Variants in SRBD1 observed in about 807,000 individuals in gnomAD.
SRBD1 encodes S1 RNA-binding domain-containing protein 1.
A neutral mutation model predicts 115.3 loss-of-function variants in SRBD1; 88 were observed. The observed-to-expected ratio is 0.76, with a 90% confidence interval of 0.64 to 0.91. The LOEUF is 0.91. SRBD1 is among the 40% of genes least tolerant of loss of function. SRBD1 has a pLI of 0.00. For missense variants in SRBD1, 1,385 were observed against 1,177.4 expected (o/e 1.18, Z -2.58); for synonymous variants, 509 against 407.7 (o/e 1.25, Z -2.99).
chr2:45,584,973 A>G (rs531350888), intron 5 of SRBD1, among the ~76,000 whole-genome samples: 2 of 152,272 alleles, frequency 1.3e-5, no homozygotes, highest in South Asian at 4.1e-4. Flanking sequence ...CAACATGGCA[A>G]AACCCTGTCT....
At chr2:45,443,318 G>C (rs1360291940) in intron 16 of SRBD1, among the ~76,000 whole-genome samples, 1 of 151,990 alleles carries the variant, frequency 6.6e-6, no homozygotes. Context: ...TGAAGCAAAA[G>C]GAAGAATAAA....
intron 9 of SRBD1, among the ~76,000 whole-genome samples, chr2:45,570,474 T>C (rs1672971495): frequency 6.6e-6 from 1 of 152,232 alleles, no homozygotes; most frequent in Non-Finnish European, 1.5e-5. Context: ...GAGTGTGCGA[T>C]ACTGTATTTT....
At chr2:45,498,789 T>G (rs925457692) in intron 14 of SRBD1, among the ~76,000 whole-genome samples, 6 of 152,178 alleles carry the variant, frequency 3.9e-5, no homozygotes, top group African/African-American at 1.4e-4. Flanking sequence ...CATAATGGCC[T>G]CCAGTTCCAT....
At chr2:45,465,024 C>A (rs1488225685) in intron 16 of SRBD1, among the ~76,000 whole-genome samples, 1 of 140,922 alleles carries the variant, frequency 7.1e-6, no homozygotes, top group South Asian at 2.4e-4. Flanking sequence ...CACACACACA[C>A]ACACACACAC....
chr2:45,465,298 G>A (rs1669452133), intron 16 of SRBD1, among the ~76,000 whole-genome samples: 1 of 152,094 alleles, frequency 6.6e-6, no homozygotes, highest in Non-Finnish European at 1.5e-5. Flanking sequence ...TACATGTTCA[G>A]TACAGATGCA....
At chr2:45,529,913 T>A (rs979128899) in intron 14 of SRBD1, among the ~76,000 whole-genome samples, 4 of 152,026 alleles carry the variant, frequency 2.6e-5, no homozygotes, top group Admixed American at 2.6e-4. Context: ...TTTTTGGTGA[T>A]ACCAAAATCT....
intron 14 of SRBD1, among the ~76,000 whole-genome samples, chr2:45,529,652 CAGAT>C (rs548247703): frequency 2.4e-4 from 37 of 151,962 alleles, no homozygotes; most frequent in South Asian, 1.7e-3. Flanking sequence ...TATTTACAAC[CAGAT>C]ACAGAGTCTC....
At chr2:45,550,971 G>C (rs949569367) in intron 12 of SRBD1, among the ~76,000 whole-genome samples, 154 bp downstream of exon 12, 5 of 152,036 alleles carry the variant, frequency 3.3e-5, no homozygotes, top group African/African-American at 1.2e-4. Context: ...GAAAAATGAA[G>C]TTTGATTATC....
At chr2:45,592,735 C>A (rs150950207) in intron 4 of SRBD1, among the ~76,000 whole-genome samples, 114 of 152,254 alleles carry the variant, frequency 7.5e-4, no homozygotes, top group African/African-American at 2.6e-3. Context: ...GTTGAGTCAA[C>A]CCCCTTTTCA....
chr2:45,450,405 C>CA (rs1273053351), intron 16 of SRBD1, among the ~76,000 whole-genome samples: 1 of 151,938 alleles, frequency 6.6e-6, no homozygotes, highest in Non-Finnish European at 1.5e-5. Context: ...TGTATAGTAC[C>CA]AAATGCAAAC....
intron 19 of SRBD1, among the ~76,000 whole-genome samples, chr2:45,406,500 A>G (rs1667441774): frequency 1.3e-5 from 2 of 152,166 alleles, no homozygotes; most frequent in South Asian, 4.1e-4. Context: ...TTCTCTTGCC[A>G]TATTTAATTG....
intron 16 of SRBD1, among the ~76,000 whole-genome samples, chr2:45,435,567 A>C (rs879332322): frequency 1.5e-5 from 1 of 68,010 alleles, no homozygotes; most frequent in East Asian, 2.5e-4. Flanking sequence ...GGGGAAAAAA[A>C]AAAAACAAAA....
At chr2:45,473,741 T>C (rs1238256666) in intron 16 of SRBD1, among the ~76,000 whole-genome samples, 1 of 152,200 alleles carries the variant, frequency 6.6e-6, no homozygotes, top group East Asian at 1.9e-4. Flanking sequence ...TCAGTTCCTC[T>C]TTATCACGTA....
chr2:45,451,724 C>CT (rs1669003529), intron 16 of SRBD1, among the ~76,000 whole-genome samples: 1 of 148,992 alleles, frequency 6.7e-6, no homozygotes. Flanking sequence ...CAAGTCTTTT[C>CT]TTTTTTTTCC....
At chr2:45,576,035 T>G (rs926648410) in intron 7 of SRBD1, among the ~76,000 whole-genome samples, 1 of 152,118 alleles carries the variant, frequency 6.6e-6, no homozygotes, top group Admixed American at 6.6e-5. Context: ...ACAATAAAAG[T>G]TGGAACAAGG....
At chr2:45,412,499 C>T (rs1031683671) in intron 19 of SRBD1, among the ~76,000 whole-genome samples, 1 of 152,086 alleles carries the variant, frequency 6.6e-6, no homozygotes, top group Non-Finnish European at 1.5e-5. Context: ...ATATTTGTTA[C>T]ACTGTCATAC....
rs116002028 is a variant in SRBD1 at position 45,597,585 on chromosome 2, A to G, written c.648+1864T>C. Among the ~76,000 whole-genome samples, 404 of 152,348 alleles carry G rather than the reference A, an allele frequency of 2.7e-3. 1 individual carries two copies. The highest frequency in any genetic ancestry group is 4.6e-3 in the Non-Finnish European group (314 of 68,028). On this transcript the variant is annotated intron_variant, in intron 4 of 20. Coordinates refer to ENST00000263736, the MANE Select transcript of SRBD1 (RefSeq NM_018079.5). ...AAAATAATAACTCAAACAGAGAAGC[A>G]GCAGAAATTGGTGATTATAAGACAC...
intron 18 of SRBD1, among the ~76,000 whole-genome samples, chr2:45,414,454 A>G (rs1232517948): frequency 1.3e-5 from 2 of 150,918 alleles, no homozygotes; most frequent in Non-Finnish European, 3.0e-5. Context: ...GTATATATGT[A>G]GTATGTATAG....
chr2:45,527,529 G>C (rs1671482640), intron 14 of SRBD1, among the ~76,000 whole-genome samples: 1 of 151,544 alleles, frequency 6.6e-6, no homozygotes, highest in Admixed American at 6.6e-5. Context: ...ACCAAGGGAA[G>C]AAAACAGGAT....
Sources: gnomAD v4.1 joint callset for allele counts (sites outside exome capture counted in the v4.1 genomes callset) on GRCh38, gnomAD v4.1.1 for gene constraint, MANE v1.5 for transcripts, NCBI Gene and HGNC (gene_info 2026-07-23, HGNC 2026-07-21) for gene names.